SLC26A3: variants seen among roughly 807,000 people sequenced by gnomAD.
SLC26A3 encodes the protein chloride anion exchanger.
Under a neutral mutation model 85.6 loss-of-function variants are expected in SLC26A3, and 64 were observed. That is an observed-to-expected ratio of 0.75 (90% CI 0.61 to 0.92). SLC26A3 has a LOEUF of 0.92. SLC26A3 is among the 40% of genes least tolerant of loss of function. The probability of loss-of-function intolerance (pLI) is 0.00; values close to 1 mark genes in which losing one functional copy is unlikely to be tolerated. For missense variants in SLC26A3, 922 were observed against 927.3 expected, an observed-to-expected ratio of 0.99 and a Z score of 0.07; for synonymous variants, 349 against 336.0, an observed-to-expected ratio of 1.04 and a Z score of -0.42.
intron 1 of SLC26A3, among the ~76,000 whole-genome samples, chr7:107,799,688 A>C (rs1374914709): frequency 6.6e-6 from 1 of 152,174 alleles, no homozygotes; most frequent in Non-Finnish European, 1.5e-5. Flanking sequence ...ACCCGGCCCA[A>C]GGCTTCAATT....
intron 20 of SLC26A3, 147 bp from the exon 21 acceptor site, chr7:107,766,025 T>A: frequency 1.5e-6 from 1 of 689,234 alleles, no homozygotes; most frequent in Non-Finnish European, 2.6e-6. Context: ...TCACTGCTTG[T>A]TTAACATAGA....
At chr7:107,775,842 C>T (rs1051227304) in intron 15 of SLC26A3, among the ~76,000 whole-genome samples, 31 of 151,994 alleles carry the variant, frequency 2.0e-4, no homozygotes, top group African/African-American at 7.2e-4. Context: ...CAACAAAAAA[C>T]TCGGTAGAAA....
chr7:107,785,020 T>C (rs1794269928), intron 8 of SLC26A3, among the ~76,000 whole-genome samples: 1 of 152,030 alleles, frequency 6.6e-6, no homozygotes, highest in African/African-American at 2.4e-5. Context: ...CTATTTGCAA[T>C]CAACAAAAAC....
chr7:107,767,584 A>T lies in SLC26A3; in HGVS notation c.2266T>A (p.Tyr756Asn). 2 of 1,606,548 alleles carry T rather than the reference A, an allele frequency of 1.2e-6. No homozygotes were observed. The highest frequency in any genetic ancestry group is 1.7e-6 in the Non-Finnish European group (2 of 1,173,626). ...AACCTGTTGAAGAATCTTACCTCAT[A>T]TACCCGATTACGTAATCCTCCATTT... The part of the protein sequence containing the change: ...NTNGGLRNRV[Y>N]EVPVETKF Residue 756 changes from tyrosine to asparagine, a missense_variant, in exon 20 of 21, where the codon TAT (tyrosine) becomes AAT (asparagine). Transcript: ENST00000340010.
At chr7:107,780,428 T>G (rs1459433155) in intron 11 of SLC26A3, among the ~76,000 whole-genome samples, 2 of 152,214 alleles carry the variant, frequency 1.3e-5, no homozygotes, top group Non-Finnish European at 2.9e-5. Context: ...TGATCTTTTA[T>G]CTTGCAGGAA....
chr7:107,786,452 G>C (rs1275398403), intron 8 of SLC26A3, among the ~76,000 whole-genome samples: 1 of 151,910 alleles, frequency 6.6e-6, no homozygotes, highest in Non-Finnish European at 1.5e-5. Flanking sequence ...ATGAGCCACC[G>C]GGTCTGGCCT....
chr7:107,802,594 T>C (rs1483009581), intron 1 of SLC26A3, among the ~76,000 whole-genome samples: 4 of 152,146 alleles, frequency 2.6e-5, no homozygotes, highest in East Asian at 1.9e-4. Context: ...CCTCAAACTC[T>C]TGGGCTAAGC....
At chr7:107,789,831 C>T (rs1794362907) in intron 5 of SLC26A3, 143 bp from the exon 6 acceptor site, 1 of 831,210 alleles carries the variant, frequency 1.2e-6, no homozygotes, top group South Asian at 1.7e-5. Context: ...ATGTCCCTGC[C>T]TCCTGGGACG....
Position 107,765,740 on chromosome 7 carries a change from A to G in SLC26A3, c.*115T>C. ...GAACCATCTTGTTCCAAAGTTTGAA[A>G]CATATTCTGTCAAAAATACTCTTCG... On this transcript the variant is annotated 3_prime_UTR_variant, in exon 21 of 21. Transcript: ENST00000340010. The G allele has an allele frequency of 1.2e-6, 1 of 810,686 alleles. No individual in the cohort carries two copies. Among genetic ancestry groups the G allele is most frequent in the Non-Finnish European group, 2.1e-6 (1 of 471,970 alleles). 50.2% of individuals were successfully genotyped at this position (810,686 alleles called of 1,614,324 possible). A position where few individuals can be genotyped will look rare whatever the true frequency, so the allele number is the denominator to read the frequency against.
Position 107,791,080 on chromosome 7 carries a change from C to A in SLC26A3, c.538G>T (p.Ala180Ser). Residue 180 changes from alanine (A) to serine (S), a missense_variant, in exon 5 of 21, where the codon GCA becomes TCA. Physicochemically the swap from Ala to Ser is moderately conservative, Grantham distance 99. Transcript: ENST00000340010. ...DDERVRVAAA[A>S]SVTVLSGIIQ... ...ATTCCAGAAAGCACTGTGACTGATG[C>A]CGCCGCCGCCACCCTCACCCTCTCG... The A allele has an allele frequency of 6.2e-7, 1 of 1,613,986 alleles. No individual in the cohort carries two copies. The highest frequency in any genetic ancestry group is 1.3e-5 in the African/African-American group (1 of 75,036).
intron 11 of SLC26A3, 79 bp from the exon 12 acceptor site, chr7:107,779,842 A>T: frequency 8.2e-7 from 1 of 1,214,000 alleles, no homozygotes; most frequent in Non-Finnish European, 1.2e-6. Flanking sequence ...GGCTATAGAT[A>T]AGTGTGTGCT....
At chr7:107,799,301 C>A (rs1361692317) in intron 1 of SLC26A3, among the ~76,000 whole-genome samples, 1 of 152,172 alleles carries the variant, frequency 6.6e-6, no homozygotes, top group Non-Finnish European at 1.5e-5. Context: ...GGCAACTAAG[C>A]ACACCAGGTT....
At chr7:107,767,673 TA>T (rs765172302) in intron 19 of SLC26A3, 29 bp from the exon 20 acceptor site, 9 of 1,603,582 alleles carry the variant, frequency 5.6e-6, no homozygotes, top group South Asian at 4.4e-5. Context: ...AAATATGGAT[TA>T]GGGGCTGATT....
intron 14 of SLC26A3, 40 bp downstream of exon 14, chr7:107,776,597 A>G (rs2115822009): frequency 6.2e-7 from 1 of 1,606,172 alleles, no homozygotes; most frequent in Non-Finnish European, 8.5e-7. Context: ...CATAGTTAAT[A>G]TCATTTAGCA....
intron 3 of SLC26A3, 45 bp downstream of exon 3, chr7:107,793,697 G>A: frequency 7.0e-7 from 1 of 1,436,058 alleles, no homozygotes; most frequent in South Asian, 1.2e-5. Flanking sequence ...CACATTCAGA[G>A]GAAGAATTTT....
intron 8 of SLC26A3, among the ~76,000 whole-genome samples, chr7:107,783,651 C>T (rs760832665): frequency 6.6e-6 from 1 of 152,212 alleles, no homozygotes; most frequent in Non-Finnish European, 1.5e-5. Flanking sequence ...AAGCTTCCTG[C>T]AAAATGTCTT....
intron 3 of SLC26A3, among the ~76,000 whole-genome samples, chr7:107,792,508 G>T (rs1794420361): frequency 6.6e-6 from 1 of 152,020 alleles, no homozygotes; most frequent in Admixed American, 6.6e-5. Context: ...TCACGATAGG[G>T]TTTGCACTCC....
chr7:107,765,955 AT>A (rs1793906884), intron 20 of SLC26A3, 77 bp from the exon 21 acceptor site: 8 of 1,275,208 alleles, frequency 6.3e-6, no homozygotes, highest in Non-Finnish European at 8.0e-6. Flanking sequence ...AGGAGCTAGA[AT>A]TTACCAGAGT....
Position 107,783,317 on chromosome 7 carries a change from A to G in SLC26A3, c.1007T>C (p.Phe336Ser). The G allele has an allele frequency of 6.2e-7, 1 of 1,614,188 alleles. No homozygotes were observed. The highest frequency in any genetic ancestry group is 8.5e-7 in the Non-Finnish European group (1 of 1,180,032). Residue 336 changes from phenylalanine (F) to serine (S), a missense_variant, in exon 9 of 21, where the codon TTC becomes TCC. Physicochemically the swap from Phe to Ser is radical, Grantham distance 155. Coordinates refer to ENST00000340010, the MANE Select transcript of SLC26A3 (RefSeq NM_000111.3). ...QPPITPDVET[F>S]QNTVGDCFGI... ...GAAGCAATCTCCTACGGTGTTTTGG[A>G]AAGTCTCCACGTCAGGTGTAATAGG...
Sources: gnomAD v4.1 joint callset for allele counts (sites outside exome capture counted in the v4.1 genomes callset) on GRCh38, gnomAD v4.1.1 for gene constraint, MANE v1.5 for transcripts, NCBI Gene and HGNC (gene_info 2026-07-23, HGNC 2026-07-21) for gene names.